The following BPTF variants were observed in gnomAD, a reference collection of about 807,000 sequenced individuals.
The protein encoded by BPTF is bromodomain PHD finger transcription factor.
In BPTF, 18 loss-of-function variants were observed where a neutral mutation model predicts 292.5. The ratio of observed to expected loss-of-function variants is 0.06; its 90% CI spans 0.04 to 0.09. The LOEUF is 0.09. Among genes scored for constraint, BPTF ranks in the 10% least tolerant of loss-of-function variants. BPTF has a pLI of 1.00. For missense variants in BPTF, 2,726 were observed against 3,498.7 expected (o/e 0.78, Z 5.57); for synonymous variants, 1,225 against 1,251.9 (o/e 0.98, Z 0.45).
At chr17:67,893,948 A>G in intron 6 of BPTF, 86 bp from the exon 7 acceptor site, 1 of 1,501,196 alleles carries the variant, frequency 6.7e-7, no homozygotes, top group Non-Finnish European at 9.1e-7. Flanking sequence ...ACCTGGAATC[A>G]GATGGAGGCC....
At chr17:67,966,935 A>C (rs1293225422) in intron 26 of BPTF, among the ~76,000 whole-genome samples, 3 of 151,608 alleles carry the variant, frequency 2.0e-5, no homozygotes, top group Non-Finnish European at 4.4e-5. Flanking sequence ...CCCCATCTCT[A>C]CTAAAAATAC....
chr17:67,848,426 G>A (rs2058184481), intron 1 of BPTF, among the ~76,000 whole-genome samples: 1 of 152,088 alleles, frequency 6.6e-6, no homozygotes, highest in Admixed American at 6.6e-5. Context: ...TTGTGCTCAC[G>A]CTGTCATGGA....
intron 4 of BPTF, among the ~76,000 whole-genome samples, chr17:67,882,877 AG>A (rs2060507266): frequency 6.6e-6 from 1 of 152,076 alleles, no homozygotes; most frequent in South Asian, 2.1e-4. Flanking sequence ...GCTTGCCTGT[AG>A]TCCTAGCTAC....
rs782427637 is a variant in BPTF, at chr17:67,948,130, A to G, written c.7750A>G (p.Lys2584Glu). The G allele has an allele frequency of 1.2e-6, 2 of 1,614,110 alleles. No individual in the cohort carries two copies. Among genetic ancestry groups the G allele is most frequent in the Admixed American group, 1.7e-5 (1 of 60,004 alleles). The change falls in exon 23 of 28, where the codon AAA becomes GAA. Residue 2584 changes from lysine (K) to glutamate (E), a missense_variant. Coordinates refer to ENST00000306378, the MANE Select transcript of BPTF (RefSeq NM_182641.4). ...GAAGTATATTTTGGATAAGATAGATAAAGAAGAAAAACAGGCAGCAAAAAA... is the reference window on the plus strand; with the variant it reads ...GAAGTATATTTTGGATAAGATAGATGAAGAAGAAAAACAGGCAGCAAAAAA... ...VMKYILDKIDKEEKQAAKKRK... is the reference protein window; with the variant it reads ...VMKYILDKIDEEEKQAAKKRK...
intron 15 of BPTF, among the ~76,000 whole-genome samples, chr17:67,926,545 C>T (rs1322949267): frequency 2.6e-5 from 4 of 151,584 alleles, no homozygotes; most frequent in East Asian, 1.9e-4. Context: ...AGGATGGTCT[C>T]GATCTCCTGA....
intron 23 of BPTF, among the ~76,000 whole-genome samples, chr17:67,948,556 T>C (rs1175134657): frequency 6.6e-6 from 1 of 152,234 alleles, no homozygotes; most frequent in Non-Finnish European, 1.5e-5. Context: ...GATTGAATTG[T>C]TGAAAAACTC....
chr17:67,835,338 C>T (rs551640582), intron 1 of BPTF, among the ~76,000 whole-genome samples: 23 of 152,226 alleles, frequency 1.5e-4, no homozygotes, highest in Non-Finnish European at 1.2e-4. Context: ...TGGGGCATTT[C>T]ATATCATTGC....
intron 17 of BPTF, among the ~76,000 whole-genome samples, chr17:67,930,132 AAAT>A (rs2064246521): frequency 6.7e-6 from 1 of 148,922 alleles, no homozygotes; most frequent in African/African-American, 2.6e-5. Context: ...AAAAAAAAAA[AAAT>A]TAAAAAGTAA....
intron 13 of BPTF, among the ~76,000 whole-genome samples, chr17:67,922,249 C>T (rs937171852): frequency 6.6e-6 from 1 of 152,160 alleles, no homozygotes; most frequent in Non-Finnish European, 1.5e-5. Flanking sequence ...CTGCTGCTTC[C>T]TTGTGATTGA....
chr17:67,833,060 G>A (rs1286103020), intron 1 of BPTF, among the ~76,000 whole-genome samples: 2 of 151,538 alleles, frequency 1.3e-5, no homozygotes, highest in Non-Finnish European at 2.9e-5. Context: ...GCCTCCCAAA[G>A]TGCTGGGATT....
chr17:67,939,989 T>G (rs1429662335), intron 18 of BPTF, among the ~76,000 whole-genome samples: 1 of 152,294 alleles, frequency 6.6e-6, no homozygotes, highest in Admixed American at 6.5e-5. Context: ...AAGAGAAGCT[T>G]ATTATAAATG....
Position 67,826,151 on chromosome 17 carries a change from G to A in BPTF, c.427G>A (p.Glu143Lys), listed in dbSNP as rs1953582280. The change falls in exon 1 of 28, where the codon GAG becomes AAG. Residue 143 changes from glutamate (E) to lysine (K), a missense_variant. Physicochemically the swap from Glu to Lys is moderately conservative, Grantham distance 56. This residue lies in a region of BPTF where 153 missense variants were observed against 178.3 expected (regional missense o/e 0.86). Coordinates refer to ENST00000306378, the MANE Select transcript of BPTF (RefSeq NM_182641.4). ...GGAGGAAGAGGAGGACATGGTCTCC[G>A]AGGAGGAGGAGGAGGAGGACGGCGA... is the stretch of plus-strand genomic sequence containing the variant. ...EEEEEEDMVS[E>K]EEEEEDGDAE... 1.8e-6 allele frequency: 2 copies of A among 1,117,516 alleles called. No homozygotes were observed. Among genetic ancestry groups the A allele is most frequent in the South Asian group, 1.6e-5 (1 of 60,706 alleles). 69.2% of individuals were successfully genotyped at this position (1,117,516 alleles called of 1,614,324 possible). A position where few individuals can be genotyped will look rare whatever the true frequency, so the allele number is the denominator to read the frequency against.
At chr17:67,929,130 A>G (rs2064149515) in intron 16 of BPTF, 4 of 1,351,636 alleles carry the variant, frequency 3.0e-6, no homozygotes, top group Non-Finnish European at 3.8e-6. Context: ...GGTAAGGGAA[A>G]TGTGAAGTTT....
intron 16 of BPTF, chr17:67,929,092 C>G (rs746243081): frequency 3.9e-5 from 50 of 1,298,220 alleles, no homozygotes; most frequent in Non-Finnish European, 4.7e-5. Flanking sequence ...GCAAGATTGT[C>G]GCTGTAAATG....
intron 9 of BPTF, 32 bp downstream of exon 9, chr17:67,904,872 T>C (rs2062069485): frequency 6.5e-7 from 1 of 1,532,662 alleles, no homozygotes; most frequent in African/African-American, 1.4e-5. Context: ...TCCTGCATAA[T>C]CGTTTCTGCT....
chr17:67,980,450 A>G (rs2070208143), intron 27 of BPTF, among the ~76,000 whole-genome samples: 2 of 152,258 alleles, frequency 1.3e-5, no homozygotes, highest in Admixed American at 1.3e-4. Flanking sequence ...ACAACTTCTC[A>G]TTATAAGCCC....
intron 9 of BPTF, among the ~76,000 whole-genome samples, chr17:67,906,342 G>A (rs1012302684): frequency 2.6e-5 from 4 of 152,148 alleles, no homozygotes; most frequent in Non-Finnish European, 5.9e-5. Flanking sequence ...GCCTCCCAAA[G>A]TGCTGGGATT....
intron 17 of BPTF, 47 bp downstream of exon 17, chr17:67,929,534 A>T: frequency 6.4e-7 from 1 of 1,574,628 alleles, no homozygotes; most frequent in Non-Finnish European, 8.6e-7. Flanking sequence ...TGAGCACATC[A>T]CATTATTTTT....
At chr17:67,964,741 C>T (rs536495846) in intron 25 of BPTF, among the ~76,000 whole-genome samples, 1 of 152,248 alleles carries the variant, frequency 6.6e-6, no homozygotes, top group East Asian at 1.9e-4. Context: ...TGGCTCATGC[C>T]TGTAATCCCA....
Sources: gnomAD v4.1 joint callset for allele counts (sites outside exome capture counted in the v4.1 genomes callset) on GRCh38, gnomAD v4.1.1 for gene constraint, gnomAD v4.1.1 regional missense constraint, MANE v1.5 for transcripts, NCBI Gene and HGNC (gene_info 2026-07-23, HGNC 2026-07-21) for gene names.